The following VIT variants were observed in gnomAD, a reference collection of about 807,000 sequenced individuals.
The protein encoded by VIT is vitrin.
A neutral mutation model predicts 78.0 loss-of-function variants in VIT; 99 were observed. That is an observed-to-expected ratio of 1.27 (90% CI 1.08 to 1.50). The LOEUF is 1.50. Among genes scored for constraint, VIT ranks in the 40% most tolerant of loss-of-function variants. The pLI is 0.00. For missense variants in VIT, 1,126 were observed against 875.3 expected, an observed-to-expected ratio of 1.29 and a Z score of -3.61; for synonymous variants, 374 against 334.3, an observed-to-expected ratio of 1.12 and a Z score of -1.29.
At chr2:36,728,005 T>C (rs1049484028) in intron 2 of VIT, among the ~76,000 whole-genome samples, 11 of 151,972 alleles carry the variant, frequency 7.2e-5, no homozygotes, top group African/African-American at 2.7e-4. Context: ...CTCGGCTCAC[T>C]GCAATTTCTG....
intron 8 of VIT, 51 bp from the exon 9 acceptor site, chr2:36,774,951 A>T (rs1467471494): frequency 6.3e-7 from 1 of 1,598,130 alleles, no homozygotes. Context: ...AAGGAAAGAA[A>T]GCAGCCTGCT....
At chr2:36,736,417 T>C (rs67090964) in intron 3 of VIT, among the ~76,000 whole-genome samples, 25,665 of 152,174 alleles carry the variant, frequency 0.17, 2,551 homozygotes, top group East Asian at 0.26. Context: ...ATAAATTATG[T>C]CCACCAGACT....
chr2:36,743,395 A>C, intron 4 of VIT, 139 bp downstream of exon 4: 1 of 1,021,572 alleles, frequency 9.8e-7, no homozygotes, highest in South Asian at 2.2e-5. Context: ...TCTTCATTTA[A>C]AAAGTGCTTT....
At chr2:36,801,017 G>A (rs979398340) in intron 12 of VIT, among the ~76,000 whole-genome samples, 1 of 152,184 alleles carries the variant, frequency 6.6e-6, no homozygotes, top group African/African-American at 2.4e-5. Context: ...CAATATGGGT[G>A]TTATAACGAT....
chr2:36,739,923 C>G (rs1486786448), intron 3 of VIT, among the ~76,000 whole-genome samples: 2 of 152,190 alleles, frequency 1.3e-5, no homozygotes, highest in African/African-American at 4.8e-5. Context: ...TTTTGTCTTG[C>G]TTTCTTCAAA....
rs755305455 is a variant in VIT, at chr2:36,767,089, T to C, written c.488-5T>C. On this transcript the variant is annotated splice_polypyrimidine_tract_variant and splice_region_variant and intron_variant, in intron 6 of 15. Transcript: ENST00000379242. Reference sequence around the variant, plus strand: ...GGGCCTTGGTATAATTCCATTTTCTTACAGGTGAGACCACAAAAGCCTATC... The same window carrying C: ...GGGCCTTGGTATAATTCCATTTTCTCACAGGTGAGACCACAAAAGCCTATC... 5 of 1,579,092 alleles carry C rather than the reference T, an allele frequency of 3.2e-6. No individual in the cohort carries two copies. In the South Asian group the frequency reaches 4.7e-5, roughly 15 times the overall value.
chr2:36,771,281 G>A (rs529240858), intron 7 of VIT, among the ~76,000 whole-genome samples: 12 of 152,266 alleles, frequency 7.9e-5, no homozygotes, highest in East Asian at 3.9e-4. Flanking sequence ...TGTAATCTCA[G>A]CACTTTGGGA....
At chr2:36,713,735 C>T (rs1665953305) in intron 1 of VIT, among the ~76,000 whole-genome samples, 2 of 152,114 alleles carry the variant, frequency 1.3e-5, no homozygotes, top group Admixed American at 6.6e-5. Context: ...GTGGAGAGCA[C>T]GTGGGGTGTA....
In VIT at chr2:36,767,100, C is replaced by A. The variant is rs1572503138; in HGVS notation, c.494C>A (p.Thr165Asn). The A allele has an allele frequency of 2.5e-6, 4 of 1,594,856 alleles. No individual in the cohort carries two copies. Among genetic ancestry groups the A allele is most frequent in the Non-Finnish European group, 3.4e-6 (4 of 1,170,634 alleles). Residue 165 changes from threonine to asparagine, a missense_variant, in exon 7 of 16, where the codon ACC becomes AAC. Coordinates refer to ENST00000379242, the MANE Select transcript of VIT (RefSeq NM_053276.4). ...TAATTCCATTTTCTTACAGGTGAGA[C>A]CACAAAAGCCTATCAGAGGCCACCT... ...SKSPAAQAGE[T>N]TKAYQRPPIP...
rs898667769 is a variant in VIT at position 36,723,897 on chromosome 2, G to A, written c.53-5529G>A. ...GCCCAGGAGTTCAAGGTAGCAGTACGCTGTGATCATACCACTGCATTCTAG... is the reference window on the plus strand; with the variant it reads ...GCCCAGGAGTTCAAGGTAGCAGTACACTGTGATCATACCACTGCATTCTAG... On this transcript the variant is annotated intron_variant, in intron 2 of 15. Coordinates refer to ENST00000379242, the MANE Select transcript of VIT (RefSeq NM_053276.4). Among the ~76,000 whole-genome samples, 4 of 147,150 alleles carry A rather than the reference G, an allele frequency of 2.7e-5. No homozygotes were observed. The Admixed American group carries it at 2.8e-4, about 10-fold the overall frequency.
At chr2:36,721,691 C>G (rs973027116) in intron 2 of VIT, among the ~76,000 whole-genome samples, 1 of 152,116 alleles carries the variant, frequency 6.6e-6, no homozygotes, top group Non-Finnish European at 1.5e-5. Flanking sequence ...AGCCCCCACT[C>G]CGGCACTGAA....
rs1229433849 is a variant in VIT, at chr2:36,750,864, C to T, written c.276-4057C>T. 3.3e-5 allele frequency among the ~76,000 whole-genome samples: 5 copies of T among 152,064 alleles called. No homozygotes were observed. The East Asian group carries it at 9.7e-4, about 29-fold the overall frequency. On this transcript the variant is annotated intron_variant, in intron 4 of 15. Coordinates refer to ENST00000379242, the MANE Select transcript of VIT (RefSeq NM_053276.4). ...AAAAAATAACATGTAATCTTTTGCA[C>T]TGTGATTCTCTCCTTCTAGCAGCAT... is the stretch of plus-strand genomic sequence containing the variant.
chr2:36,782,763 T>C (rs1218097173), intron 10 of VIT, among the ~76,000 whole-genome samples: 2 of 152,250 alleles, frequency 1.3e-5, no homozygotes, highest in African/African-American at 4.8e-5. Context: ...GAAACCTTTT[T>C]GAATCTCTAC....
At chr2:36,734,760 T>G (rs1196859221) in intron 3 of VIT, among the ~76,000 whole-genome samples, 2 of 152,208 alleles carry the variant, frequency 1.3e-5, no homozygotes, top group Non-Finnish European at 2.9e-5. Flanking sequence ...TCACCCCTTT[T>G]TCCTTCTTTG....
intron 12 of VIT, among the ~76,000 whole-genome samples, chr2:36,798,061 A>T (rs760209689): frequency 2.0e-5 from 3 of 152,198 alleles, no homozygotes; most frequent in Admixed American, 6.5e-5. Context: ...TGACTAGAAC[A>T]TGGAATATCC....
Position 36,774,989 on chromosome 2 carries a change from G to A in VIT, c.737-13G>A, listed in dbSNP as rs2148604729. On this transcript the variant is annotated splice_polypyrimidine_tract_variant and intron_variant, in intron 8 of 15. Transcript: ENST00000379242. ...TTGTGTGTAAATCGGCTGACCCTGT[G>A]TAATCCCCTCAGGTATCCAAAGGCA... 1.2e-6 allele frequency: 2 copies of A among 1,614,086 alleles called. No individual in the cohort carries two copies. Among genetic ancestry groups the A allele is most frequent in the South Asian group, 1.1e-5 (1 of 91,060 alleles).
At position 36,754,989 on chromosome 2, in the gene VIT, G is replaced by A. The variant is rs753835596; in HGVS notation, c.344G>A (p.Gly115Glu). The A allele has an allele frequency of 7.4e-6, 12 of 1,614,024 alleles. No individual in the cohort carries two copies. The African/African-American group carries it at 1.3e-4, about 18-fold the overall frequency. ...RKVAGQSGYK[G>E]SYSNGVQSLS... Reference sequence around the variant, plus strand: ...GTTGCTGGACAGTCTGGTTACAAAGGGAGTTATTCCAACGGTGTCCAATCG... The same window carrying A: ...GTTGCTGGACAGTCTGGTTACAAAGAGAGTTATTCCAACGGTGTCCAATCG... The change falls in exon 5 of 16, where the codon GGG becomes GAG. Residue 115 changes from glycine to glutamate, a missense_variant. Gly to Glu is a moderately conservative substitution (Grantham distance 98). Transcript: ENST00000379242.
chr2:36,778,615 T>C (rs1670212099), intron 9 of VIT, among the ~76,000 whole-genome samples: 1 of 152,160 alleles, frequency 6.6e-6, no homozygotes, highest in South Asian at 2.1e-4. Context: ...TGTCGACGCT[T>C]TGTTGGCATG....
At chr2:36,709,175 G>A (rs115155365) in intron 1 of VIT, among the ~76,000 whole-genome samples, 2,256 of 152,028 alleles carry the variant, frequency 0.015, 40 homozygotes, top group African/African-American at 0.044. Context: ...AAACAATATC[G>A]ATGTCAACTC....
Sources: allele counts gnomAD v4.1 joint callset (sites outside exome capture counted in the v4.1 genomes callset), GRCh38; gene constraint gnomAD v4.1.1; transcripts MANE v1.5; gene names NCBI Gene and HGNC (gene_info 2026-07-23, HGNC 2026-07-21).